EPHA6: variants seen among roughly 807,000 people sequenced by gnomAD.
The protein encoded by EPHA6 is ephrin type-A receptor 6.
In EPHA6, 50 loss-of-function variants were observed where a neutral mutation model predicts 112.0. The ratio of observed to expected loss-of-function variants is 0.45; its 90% CI spans 0.36 to 0.56. EPHA6 has a LOEUF of 0.56. Among genes scored for constraint, EPHA6 ranks in the 20% least tolerant of loss-of-function variants. The probability of loss-of-function intolerance (pLI) is 0.00; values close to 1 mark genes in which losing one functional copy is unlikely to be tolerated. For missense variants in EPHA6, 1,280 were observed against 1,417.4 expected (o/e 0.90, Z 1.56); for synonymous variants, 529 against 490.7 (o/e 1.08, Z -1.03).
At chr3:97,714,866 C>T (rs1268388567) in intron 14 of EPHA6, among the ~76,000 whole-genome samples, 1 of 152,234 alleles carries the variant, frequency 6.6e-6, no homozygotes, top group Non-Finnish European at 1.5e-5. Context: ...CTCCAGTAAG[C>T]ACATTAATGC....
At chr3:97,072,824 G>A (rs1315891925) in intron 3 of EPHA6, among the ~76,000 whole-genome samples, 3 of 152,114 alleles carry the variant, frequency 2.0e-5, no homozygotes. Context: ...CTTTTTGCCT[G>A]CCATGTTGAC....
intron 3 of EPHA6, among the ~76,000 whole-genome samples, chr3:97,036,414 T>C (rs1236501859): frequency 2.0e-5 from 3 of 152,048 alleles, no homozygotes; most frequent in Non-Finnish European, 4.4e-5. Flanking sequence ...TTATTAATGT[T>C]GTTATTTTCT....
At chr3:97,360,149 G>A (rs192724123) in intron 5 of EPHA6, among the ~76,000 whole-genome samples, 1 of 152,296 alleles carries the variant, frequency 6.6e-6, no homozygotes, top group Non-Finnish European at 1.5e-5. Flanking sequence ...CAAGCTGTGT[G>A]CAAGCTGCAC....
chr3:96,849,756 C>G (rs1469791680), intron 1 of EPHA6, among the ~76,000 whole-genome samples: 3 of 152,110 alleles, frequency 2.0e-5, no homozygotes, highest in African/African-American at 7.2e-5. Flanking sequence ...GCTGTGCTGA[C>G]TGGAGGTTCT....
intron 2 of EPHA6, among the ~76,000 whole-genome samples, chr3:96,920,618 C>T (rs1411952375): frequency 6.6e-6 from 1 of 151,772 alleles, no homozygotes; most frequent in South Asian, 2.1e-4. Context: ...CTTAATTACC[C>T]GTATTACAGA....
At chr3:97,190,831 ACAATGTG>A (rs2077284016) in intron 3 of EPHA6, among the ~76,000 whole-genome samples, 1 of 152,054 alleles carries the variant, frequency 6.6e-6, no homozygotes, top group South Asian at 2.1e-4. Flanking sequence ...ACTAACCTGC[ACAATGTG>A]CACATGTACC....
chr3:97,501,232 G>T (rs895731331), intron 10 of EPHA6, among the ~76,000 whole-genome samples: 2 of 152,112 alleles, frequency 1.3e-5, no homozygotes, highest in South Asian at 2.1e-4. Context: ...TGGAGGATCT[G>T]AATGATACAA....
In EPHA6 at chr3:97,475,290, T is replaced by C. The variant is rs564450162; in HGVS notation, c.1895-62T>C. 2.0e-5 allele frequency: 24 copies of C among 1,219,152 alleles called. No individual in the cohort carries two copies. The South Asian group carries it at 2.9e-4, about 15-fold the overall frequency. The allele number at this position is 1,219,152 out of a possible 1,614,324, so 75.5% of individuals were successfully genotyped here. A position where few individuals can be genotyped will look rare whatever the true frequency, so the allele number is the denominator to read the frequency against. On this transcript the variant is annotated intron_variant, in intron 7 of 17. Coordinates refer to ENST00000389672, the MANE Select transcript of EPHA6 (RefSeq NM_001080448.3). ...GTATTTTCTAGTGTAAACTAAATTGTAAAATGGTTTTAATAGTGAAATGTC... is the reference window on the plus strand; with the variant it reads ...GTATTTTCTAGTGTAAACTAAATTGCAAAATGGTTTTAATAGTGAAATGTC...
At chr3:97,414,863 C>G (rs1441335546) in intron 6 of EPHA6, among the ~76,000 whole-genome samples, 2 of 151,938 alleles carry the variant, frequency 1.3e-5, no homozygotes, top group Non-Finnish European at 2.9e-5. Context: ...GCCTATTGTC[C>G]CTCATGACCT....
intron 1 of EPHA6, among the ~76,000 whole-genome samples, chr3:96,833,447 G>T (rs1385627567): frequency 6.6e-6 from 1 of 151,826 alleles, no homozygotes; most frequent in Non-Finnish European, 1.5e-5. Flanking sequence ...GACAATAAAT[G>T]TCTGTGTTCT....
chr3:97,069,705 CAT>C (rs1413070718), intron 3 of EPHA6, among the ~76,000 whole-genome samples: 1 of 151,956 alleles, frequency 6.6e-6, no homozygotes, highest in Non-Finnish European at 1.5e-5. Flanking sequence ...GCAAAATAAA[CAT>C]ATATTTTGAA....
intron 5 of EPHA6, among the ~76,000 whole-genome samples, chr3:97,298,230 C>T (rs375349618): frequency 6.6e-6 from 1 of 152,082 alleles, no homozygotes; most frequent in East Asian, 1.9e-4. Flanking sequence ...TGTATTTTCC[C>T]CAGAATGGGA....
intron 13 of EPHA6, among the ~76,000 whole-genome samples, chr3:97,636,291 A>C (rs1309907126): frequency 6.6e-6 from 1 of 152,146 alleles, no homozygotes; most frequent in African/African-American, 2.4e-5. Context: ...TTATACTTTC[A>C]ATTCCACTCA....
At chr3:97,430,596 T>C (rs993914141) in intron 6 of EPHA6, among the ~76,000 whole-genome samples, 3 of 152,132 alleles carry the variant, frequency 2.0e-5, no homozygotes, top group East Asian at 1.9e-4. Flanking sequence ...CTAGAATGTA[T>C]TTAGCTTCAA....
At chr3:96,994,732 T>TAGAGAGAGAGAGAGAGAGAGAG (rs71623564) in intron 3 of EPHA6, among the ~76,000 whole-genome samples, 14 of 82,192 alleles carry the variant, frequency 1.7e-4, no homozygotes, top group Non-Finnish European at 2.2e-4. Flanking sequence ...TATATATATA[T>TAGAGAGAGAGAGAGAGAGAGAG]AGAGAGAGAG....
In EPHA6 at chr3:97,448,601, T is replaced by A; in HGVS notation, c.1765T>A (p.Ser589Thr). The change falls in exon 7 of 18, where the codon TCC becomes ACC. Residue 589 changes from serine to threonine, a missense_variant. Ser to Thr is a moderately conservative substitution (Grantham distance 58). Transcript: ENST00000389672. The stretch of plus-strand genomic sequence containing the variant: ...GCAGCTGACCTACTCTTCCACAAGG[T>A]CCAAAGCCCCCAGTGTCATCATCAC... ...HEQLTYSSTR[S>T]KAPSVIITGL... 6.2e-7 allele frequency: 1 copy of A among 1,613,498 alleles called. No individual in the cohort carries two copies. Among genetic ancestry groups the A allele is most frequent in the South Asian group, 1.1e-5 (1 of 91,068 alleles).
chr3:97,076,651 A>G (rs765168053), intron 3 of EPHA6, among the ~76,000 whole-genome samples: 1 of 152,190 alleles, frequency 6.6e-6, no homozygotes, highest in Non-Finnish European at 1.5e-5. Context: ...TTGGAAGAGG[A>G]TGCTCTCTAG....
At position 96,937,259 on chromosome 3, in the gene EPHA6, T is replaced by C. The variant is rs1280136893; in HGVS notation, c.451-50071T>C. 7.9e-5 allele frequency among the ~76,000 whole-genome samples: 12 copies of C among 152,250 alleles called. No individual in the cohort carries two copies. In the East Asian group the frequency reaches 2.1e-3, roughly 27 times the overall value. On this transcript the variant is annotated intron_variant, in intron 2 of 17. Coordinates refer to ENST00000389672, the MANE Select transcript of EPHA6 (RefSeq NM_001080448.3). ...GTGTTCCTATTTCTCCACATCCTCT[T>C]CAGCACCTGTTGTTTCCTGACTTTT...
At chr3:97,221,308 CAAAAAAAAAAAAAAAAA>C (rs57025573) in intron 3 of EPHA6, among the ~76,000 whole-genome samples, 20 of 16,394 alleles carry the variant, frequency 1.2e-3, no homozygotes, top group Non-Finnish European at 1.6e-3. Flanking sequence ...GACTCTGTCT[CAAAAAAAAAAAAAAAAA>C]AAAAAAAAAA....
Sources: gnomAD v4.1 joint callset for allele counts (sites outside exome capture counted in the v4.1 genomes callset) on GRCh38, gnomAD v4.1.1 for gene constraint, MANE v1.5 for transcripts, NCBI Gene and HGNC (gene_info 2026-07-23, HGNC 2026-07-21) for gene names.